Variants in GPR39 observed in about 807,000 individuals in gnomAD.
GPR39 encodes zinc sensing receptor.
Under a neutral mutation model 18.4 loss-of-function variants are expected in GPR39, and 23 were observed. That is an observed-to-expected ratio of 1.25 (90% CI 0.90 to 1.77). The LOEUF is 1.77. GPR39 is among the 40% of genes most tolerant of loss of function. GPR39 has a pLI of 0.00. For missense variants in GPR39, 647 were observed against 602.4 expected, an observed-to-expected ratio of 1.07 and a Z score of -0.78; for synonymous variants, 280 against 257.9, an observed-to-expected ratio of 1.09 and a Z score of -0.82.
intron 1 of GPR39, among the ~76,000 whole-genome samples, chr2:132,570,291 C>A (rs768717109): frequency 6.6e-6 from 1 of 152,166 alleles, no homozygotes; most frequent in African/African-American, 2.4e-5. Context: ...CACTACCCCT[C>A]GTCTCTGAGA....
chr2:132,474,374 A>G (rs999911473), intron 1 of GPR39, among the ~76,000 whole-genome samples: 4 of 152,198 alleles, frequency 2.6e-5, no homozygotes, highest in Non-Finnish European at 5.9e-5. Context: ...GTAGGGGTGC[A>G]CAAGCCCTGT....
chr2:132,575,762 C>T (rs560284683), intron 1 of GPR39, among the ~76,000 whole-genome samples: 1 of 152,318 alleles, frequency 6.6e-6, no homozygotes, highest in South Asian at 2.1e-4. Context: ...AGTGAACTGT[C>T]TCTTCACATC....
intron 1 of GPR39, among the ~76,000 whole-genome samples, chr2:132,451,098 G>C (rs996960200): frequency 6.6e-6 from 1 of 151,916 alleles, no homozygotes; most frequent in African/African-American, 2.4e-5. Flanking sequence ...TTAGCATGGG[G>C]CTGTGGGAAG....
chr2:132,442,077 C>G (rs1399984605), intron 1 of GPR39, among the ~76,000 whole-genome samples: 1 of 152,150 alleles, frequency 6.6e-6, no homozygotes, highest in Non-Finnish European at 1.5e-5. Flanking sequence ...TTGAAAATCA[C>G]TTAGCAAGGG....
chr2:132,426,084 A>G (rs971248308), intron 1 of GPR39, among the ~76,000 whole-genome samples: 3 of 152,210 alleles, frequency 2.0e-5, no homozygotes, highest in African/African-American at 7.2e-5. Flanking sequence ...AGGTAAACAC[A>G]TGGCCTACCT....
At chr2:132,576,674 A>G (rs370791211) in intron 1 of GPR39, among the ~76,000 whole-genome samples, 20 of 152,226 alleles carry the variant, frequency 1.3e-4, no homozygotes, top group Middle Eastern at 3.4e-3. Flanking sequence ...AACTAAACTA[A>G]AACTAAGCCT....
In GPR39 at chr2:132,455,645, G is replaced by A. The variant is rs182284950; in HGVS notation, c.856+37747G>A. 4.4e-3 allele frequency among the ~76,000 whole-genome samples: 666 copies of A among 152,250 alleles called. 2 individuals carry two copies. Among genetic ancestry groups the A allele is most frequent in the Non-Finnish European group, 7.0e-3 (476 of 68,024 alleles). ...TGCTATAAATTTCCCTCTACACACT[G>A]CTTTAAATGTGTCCCAGAGATTCTG... On this transcript the variant is annotated intron_variant, in intron 1 of 1. Coordinates refer to ENST00000329321, the MANE Select transcript of GPR39 (RefSeq NM_001508.3).
chr2:132,627,817 G>A (rs1681579461), intron 1 of GPR39, among the ~76,000 whole-genome samples: 1 of 152,184 alleles, frequency 6.6e-6, no homozygotes, highest in Non-Finnish European at 1.5e-5. Flanking sequence ...CAGCTGCCCA[G>A]CTGGACAACC....
chr2:132,578,922 A>G (rs1680576573), intron 1 of GPR39, among the ~76,000 whole-genome samples: 1 of 151,958 alleles, frequency 6.6e-6, no homozygotes, highest in South Asian at 2.1e-4. Flanking sequence ...ATCTTTTCAA[A>G]GAAACAGCTA....
At chr2:132,572,056 G>A (rs925769089) in intron 1 of GPR39, among the ~76,000 whole-genome samples, 1 of 152,114 alleles carries the variant, frequency 6.6e-6, no homozygotes, top group Non-Finnish European at 1.5e-5. Flanking sequence ...CCAGTGAAAT[G>A]ACTGGATACC....
At chr2:132,576,711 A>AT (rs1174974143) in intron 1 of GPR39, among the ~76,000 whole-genome samples, 1 of 151,862 alleles carries the variant, frequency 6.6e-6, no homozygotes, top group Non-Finnish European at 1.5e-5. Context: ...CATTTTTTAA[A>AT]TTTTTTTTCT....
intron 1 of GPR39, among the ~76,000 whole-genome samples, chr2:132,545,002 C>T (rs12468319): frequency 0.17 from 25,675 of 152,208 alleles, 2,549 homozygotes; most frequent in African/African-American, 0.26. Flanking sequence ...GAACAATCAG[C>T]GGAAAGTACA....
chr2:132,559,476 C>T (rs1265921728), intron 1 of GPR39, among the ~76,000 whole-genome samples: 4 of 152,042 alleles, frequency 2.6e-5, no homozygotes, highest in Admixed American at 6.6e-5. Context: ...ATTCAGTGAA[C>T]ACATAAACAC....
At chr2:132,493,318 T>C (rs144463936) in intron 1 of GPR39, among the ~76,000 whole-genome samples, 5 of 146,732 alleles carry the variant, frequency 3.4e-5, no homozygotes, top group African/African-American at 1.2e-4. Flanking sequence ...ATACCATATA[T>C]ATACACATAC....
chr2:132,459,219 TG>T (rs1680789466), intron 1 of GPR39, among the ~76,000 whole-genome samples: 1 of 151,588 alleles, frequency 6.6e-6, no homozygotes, highest in Non-Finnish European at 1.5e-5. Flanking sequence ...AATTTGTGTT[TG>T]TGTCTCTTGT....
At chr2:132,425,028 C>G (rs1008990523) in intron 1 of GPR39, among the ~76,000 whole-genome samples, 1 of 152,194 alleles carries the variant, frequency 6.6e-6, no homozygotes, top group Non-Finnish European at 1.5e-5. Context: ...GGGAGCTAAA[C>G]TAGGTCACAG....
chr2:132,474,339 A>G (rs1434387044), intron 1 of GPR39, among the ~76,000 whole-genome samples: 1 of 152,174 alleles, frequency 6.6e-6, no homozygotes, highest in East Asian at 1.9e-4. Flanking sequence ...ACCAATAACC[A>G]GTGCCAGGAC....
intron 1 of GPR39, among the ~76,000 whole-genome samples, chr2:132,452,510 G>A (rs1484953846): frequency 1.3e-5 from 2 of 151,550 alleles, no homozygotes; most frequent in Non-Finnish European, 2.9e-5. Flanking sequence ...TAAGTTCTAG[G>A]GTACATGTGC....
chr2:132,427,995 G>A (rs1052341982), intron 1 of GPR39, among the ~76,000 whole-genome samples: 1 of 148,122 alleles, frequency 6.8e-6, no homozygotes, highest in Non-Finnish European at 1.5e-5. Flanking sequence ...TTAAAAGACA[G>A]CTGATGGGTT....
Sources: allele counts gnomAD v4.1 joint callset (sites outside exome capture counted in the v4.1 genomes callset), GRCh38; gene constraint gnomAD v4.1.1; transcripts MANE v1.5; gene names NCBI Gene and HGNC (gene_info 2026-07-23, HGNC 2026-07-21).